The following NEDD4L variants were observed in gnomAD, a reference collection of about 807,000 sequenced individuals.
NEDD4L encodes the protein E3 ubiquitin-protein ligase NEDD4-like.
A neutral mutation model predicts 148.9 loss-of-function variants in NEDD4L; 54 were observed. The ratio of observed to expected loss-of-function variants is 0.36; its 90% CI spans 0.29 to 0.45. The LOEUF (loss-of-function observed/expected upper bound fraction) is 0.45. Among genes scored for constraint, NEDD4L ranks in the 20% least tolerant of loss-of-function variants. The pLI is 1.00. For missense variants in NEDD4L, 856 were observed against 1,233.8 expected (o/e 0.69, Z 4.59); for synonymous variants, 433 against 440.7 (o/e 0.98, Z 0.22).
chr18:58,295,862 T>A (rs1479058745), intron 5 of NEDD4L, among the ~76,000 whole-genome samples: 1 of 152,108 alleles, frequency 6.6e-6, no homozygotes, highest in East Asian at 1.9e-4. Flanking sequence ...CTTCAGAATG[T>A]ACAGATTTAT....
intron 1 of NEDD4L, among the ~76,000 whole-genome samples, chr18:58,079,093 GGT>G (rs1481848494): frequency 1.3e-5 from 2 of 152,144 alleles, no homozygotes; most frequent in African/African-American, 2.4e-5. Context: ...GTGTCTGCGG[GGT>G]GTGTGTGAGC....
At chr18:58,210,548 A>T in intron 2 of NEDD4L, among the ~76,000 whole-genome samples, 1 of 152,202 alleles carries the variant, frequency 6.6e-6, no homozygotes, top group Non-Finnish European at 1.5e-5. Flanking sequence ...TCCCAGGTTC[A>T]GGTGCTTCTC....
chr18:58,324,898 C>T, intron 8 of NEDD4L, 98 bp from the exon 9 acceptor site: 2 of 1,163,654 alleles, frequency 1.7e-6, no homozygotes, highest in South Asian at 3.3e-5. Flanking sequence ...CAGAGAGCCC[C>T]AGAGCAAGGA....
intron 1 of NEDD4L, among the ~76,000 whole-genome samples, chr18:58,102,436 A>T (rs1426885179): frequency 2.6e-5 from 4 of 152,222 alleles, no homozygotes; most frequent in Non-Finnish European, 5.9e-5. Context: ...TGTGGCAAAA[A>T]TTCTGTGCAA....
intron 5 of NEDD4L, among the ~76,000 whole-genome samples, chr18:58,299,812 TCA>T (rs962655689): frequency 1.1e-4 from 17 of 152,188 alleles, no homozygotes; most frequent in African/African-American, 4.1e-4. Context: ...TCAGCTGTTC[TCA>T]GTTTTTCTCA....
At chr18:58,245,391 G>A in intron 2 of NEDD4L, 36 bp from the exon 3 acceptor site, 1 of 1,018,686 alleles carries the variant, frequency 9.8e-7, no homozygotes, top group African/African-American at 1.6e-5. Flanking sequence ...TGAATGAAAA[G>A]TATAATCCTA....
intron 1 of NEDD4L, among the ~76,000 whole-genome samples, chr18:58,082,102 A>ATATATATATATTTTTTTTTTT: frequency 4.1e-5 from 2 of 48,856 alleles, no homozygotes; most frequent in African/African-American, 1.3e-4. Context: ...ATATATATAT[A>ATATATATATATTTTTTTTTTT]TTTTTTTTTT....
At chr18:58,333,492 A>G (rs8089678) in intron 11 of NEDD4L, among the ~76,000 whole-genome samples, 46,315 of 152,042 alleles carry the variant, frequency 0.3, 7,248 homozygotes, top group Middle Eastern at 0.43. Context: ...AGCAAACTAC[A>G]AGACTGCTAG....
chr18:58,155,284 G>A (rs1419581573), intron 1 of NEDD4L, among the ~76,000 whole-genome samples: 1 of 139,598 alleles, frequency 7.2e-6, no homozygotes, highest in Non-Finnish European at 1.5e-5. Flanking sequence ...AAAAAAAAGC[G>A]AGACAATTTG....
intron 1 of NEDD4L, among the ~76,000 whole-genome samples, chr18:58,145,610 A>G (rs2070854012): frequency 6.7e-6 from 1 of 150,170 alleles, no homozygotes; most frequent in African/African-American, 2.5e-5. Flanking sequence ...TATCAAACCT[A>G]TGGATGTTTA....
At chr18:58,388,192 A>G (rs965926769) in intron 27 of NEDD4L, 3 of 152,274 alleles carry the variant, frequency 2.0e-5, no homozygotes, top group African/African-American at 7.2e-5. Context: ...AAACAGGGGA[A>G]AGACTGTCTG....
intron 10 of NEDD4L, 27 bp downstream of exon 10, chr18:58,329,154 G>A: frequency 1.2e-6 from 2 of 1,607,150 alleles, no homozygotes; most frequent in Non-Finnish European, 1.7e-6. Flanking sequence ...ATGGTGCAAA[G>A]CCCGGCAGCT....
At chr18:58,205,487 GGTGTGTGTGTATGTGTGTGT>G (rs906054040) in intron 2 of NEDD4L, among the ~76,000 whole-genome samples, 3 of 151,310 alleles carry the variant, frequency 2.0e-5, no homozygotes, top group Non-Finnish European at 4.4e-5. Context: ...TGACTAGAGG[GGTGTGTGTGTATGTGTGTGT>G]GTGTGTGTGT....
chr18:58,103,381 AC>A (rs2084887744), intron 1 of NEDD4L, among the ~76,000 whole-genome samples: 1 of 151,728 alleles, frequency 6.6e-6, no homozygotes, highest in Non-Finnish European at 1.5e-5. Context: ...CAGTTCCCCA[AC>A]AACTCTAGTC....
chr18:58,195,017 T>C (rs1321208964), intron 2 of NEDD4L, among the ~76,000 whole-genome samples: 1 of 152,238 alleles, frequency 6.6e-6, no homozygotes, highest in Non-Finnish European at 1.5e-5. Flanking sequence ...TTTTGGCTGA[T>C]GAAAATACAG....
At chr18:58,046,103 ATGTAT>A (rs1355555525) in intron 1 of NEDD4L, 9 of 152,258 alleles carry the variant, frequency 5.9e-5, no homozygotes, top group Admixed American at 5.2e-4. Flanking sequence ...GCAAAGCTTG[ATGTAT>A]TTATTTGATC....
chr18:58,350,294 G>A (rs150619717), intron 17 of NEDD4L, among the ~76,000 whole-genome samples: 231 of 152,264 alleles, frequency 1.5e-3, no homozygotes, highest in Non-Finnish European at 2.7e-3. Flanking sequence ...CAACATTGGA[G>A]GCTGCGAAGG....
At position 58,396,522 on chromosome 18, in the gene NEDD4L, A is replaced by G. The variant is rs2050501613; in HGVS notation, c.*253A>G. Reference sequence around the variant, plus strand: ...TTACATTTCAGGAGGACTTAATGCTATTTATGTTGTGCCTCTGCAGGCAAA... The same window carrying G: ...TTACATTTCAGGAGGACTTAATGCTGTTTATGTTGTGCCTCTGCAGGCAAA... On this transcript the variant is annotated 3_prime_UTR_variant, in exon 31 of 31. Transcript: ENST00000400345. The G allele has an allele frequency of 6.0e-6, 2 of 336,056 alleles. No homozygotes were observed. The highest frequency in any genetic ancestry group is 1.1e-5 in the Non-Finnish European group (2 of 180,696). 20.8% of individuals were successfully genotyped at this position (336,056 alleles called of 1,614,324 possible). A position where few individuals can be genotyped will look rare whatever the true frequency, so the allele number is the denominator to read the frequency against.
intron 5 of NEDD4L, among the ~76,000 whole-genome samples, chr18:58,287,061 A>T (rs149096378): frequency 6.6e-6 from 1 of 152,004 alleles, no homozygotes; most frequent in Non-Finnish European, 1.5e-5. Flanking sequence ...ATACTTGAGA[A>T]ACTAGGAGAG....
Sources: gnomAD v4.1 joint callset for allele counts (sites outside exome capture counted in the v4.1 genomes callset) on GRCh38, gnomAD v4.1.1 for gene constraint, MANE v1.5 for transcripts, NCBI Gene and HGNC (gene_info 2026-07-23, HGNC 2026-07-21) for gene names.